Variants in MEMO1 observed in about 807,000 individuals in gnomAD.
The protein encoded by MEMO1 is protein MEMO1.
In MEMO1, 6 loss-of-function variants were observed where a neutral mutation model predicts 45.2. The ratio of observed to expected loss-of-function variants is 0.13; its 90% CI spans 0.07 to 0.26. The LOEUF (loss-of-function observed/expected upper bound fraction) is 0.26, where lower values mean the gene tolerates loss of function less well. Ranked by LOEUF, MEMO1 falls within the 10% of genes least tolerant of loss-of-function variation. The pLI is 1.00. For synonymous variants in MEMO1, 78 were observed against 124.3 expected, an observed-to-expected ratio of 0.63 and a Z score of 2.48; for missense variants, 184 against 370.5, an observed-to-expected ratio of 0.50 and a Z score of 4.13.
chr2:31,958,415 T>A (rs1297361116), intron 2 of MEMO1, among the ~76,000 whole-genome samples: 1 of 151,186 alleles, frequency 6.6e-6, no homozygotes, highest in African/African-American at 2.4e-5. Flanking sequence ...CAGGAAATCA[T>A]AACAGAAAAG....
At chr2:31,943,642 C>T (rs1400429885) in intron 2 of MEMO1, among the ~76,000 whole-genome samples, 2 of 152,106 alleles carry the variant, frequency 1.3e-5, no homozygotes, top group Admixed American at 6.6e-5. Context: ...CAGAGCAACA[C>T]AATGTGATTT....
chr2:32,009,719 T>A (rs1441666054), intron 2 of MEMO1, among the ~76,000 whole-genome samples: 2 of 151,644 alleles, frequency 1.3e-5, no homozygotes, highest in Non-Finnish European at 2.9e-5. Flanking sequence ...AAGGAAAGGG[T>A]CCCTGGCTCG....
At chr2:32,000,512 G>A (rs1057339052) in intron 2 of MEMO1, among the ~76,000 whole-genome samples, 6 of 151,968 alleles carry the variant, frequency 3.9e-5, no homozygotes, top group African/African-American at 9.7e-5. Context: ...TTACAGGCGT[G>A]AGCCACCGTG....
chr2:31,955,838 C>A (rs1667354595), intron 2 of MEMO1, among the ~76,000 whole-genome samples: 1 of 152,234 alleles, frequency 6.6e-6, no homozygotes, highest in Middle Eastern at 3.4e-3. Context: ...AAACTCCTGA[C>A]CTCAGGTGAT....
chr2:31,921,987 A>C (rs956467356), intron 4 of MEMO1, among the ~76,000 whole-genome samples: 1 of 152,154 alleles, frequency 6.6e-6, no homozygotes, highest in African/African-American at 2.4e-5. Flanking sequence ...CCTGCCCTAC[A>C]ATCTGAATTC....
intron 7 of MEMO1, among the ~76,000 whole-genome samples, chr2:31,889,795 T>G (rs1676701645): frequency 6.6e-6 from 1 of 152,080 alleles, no homozygotes; most frequent in Non-Finnish European, 1.5e-5. Flanking sequence ...TGAGTATTAT[T>G]AATGATGATG....
At chr2:31,982,027 G>A (rs769565474) in intron 2 of MEMO1, among the ~76,000 whole-genome samples, 25 of 152,312 alleles carry the variant, frequency 1.6e-4, no homozygotes, top group Middle Eastern at 3.4e-3. Context: ...GGCCGGGCGC[G>A]GTGGCTCATG....
chr2:31,948,081 G>A (rs1326793041), intron 2 of MEMO1, among the ~76,000 whole-genome samples: 3 of 152,200 alleles, frequency 2.0e-5, no homozygotes, highest in Non-Finnish European at 4.4e-5. Flanking sequence ...ATGCTTCTCA[G>A]GTGATAGCAA....
chr2:31,874,449 G>T (rs1436413574), intron 8 of MEMO1, among the ~76,000 whole-genome samples: 3 of 151,922 alleles, frequency 2.0e-5, no homozygotes, highest in Non-Finnish European at 4.4e-5. Context: ...TATTTTATGT[G>T]TTTTTTCACA....
intron 2 of MEMO1, among the ~76,000 whole-genome samples, chr2:31,982,751 G>C (rs1456434294): frequency 4.0e-5 from 6 of 151,876 alleles, no homozygotes; most frequent in Admixed American, 3.9e-4. Flanking sequence ...AGAGGTATAG[G>C]TTAACAGTTC....
Position 31,869,744 on chromosome 2 carries a change from AC to A in MEMO1, c.762+103del, listed in dbSNP as rs1673389451. The stretch of plus-strand genomic sequence containing the variant: ...ATTAAAGATACTAAAAAGAAACTTG[AC>A]CATAGGTACATAAAACCAATGATGC... On this transcript the variant is annotated intron_variant, in intron 9 of 9. Coordinates refer to ENST00000404530, the MANE Select transcript of MEMO1 (RefSeq NM_001301833.4). 4 of 1,259,416 alleles carry A rather than the reference AC, an allele frequency of 3.2e-6. No individual in the cohort carries two copies. In the South Asian group the frequency reaches 6.6e-5, roughly 21 times the overall value. The allele number at this position is 1,259,416 out of a possible 1,614,324, so 78.0% of individuals were successfully genotyped here. A position where few individuals can be genotyped will look rare whatever the true frequency, so the allele number is the denominator to read the frequency against.
chr2:31,977,563 G>C (rs1478447261), intron 2 of MEMO1, among the ~76,000 whole-genome samples: 1 of 151,612 alleles, frequency 6.6e-6, no homozygotes, highest in Non-Finnish European at 1.5e-5. Flanking sequence ...ACCCAGGCTG[G>C]AGTACAGTGG....
intron 4 of MEMO1, among the ~76,000 whole-genome samples, chr2:31,925,391 G>A (rs1458520041): frequency 6.7e-6 from 1 of 148,546 alleles, no homozygotes; most frequent in East Asian, 2.0e-4. Context: ...CAGGAGAATC[G>A]TTTGAACCCG....
At chr2:31,940,206 TCTC>T (rs1665439968) in intron 3 of MEMO1, among the ~76,000 whole-genome samples, 1 of 152,184 alleles carries the variant, frequency 6.6e-6, no homozygotes, top group African/African-American at 2.4e-5. Context: ...TTGAAACTCT[TCTC>T]CTGTTTATCT....
At chr2:31,982,133 C>T (rs981062113) in intron 2 of MEMO1, among the ~76,000 whole-genome samples, 1 of 151,752 alleles carries the variant, frequency 6.6e-6, no homozygotes, top group Admixed American at 6.6e-5. Context: ...CCCATCTCTA[C>T]TAAAAATACA....
chr2:31,870,017 T>C, intron 8 of MEMO1, 65 bp from the exon 9 acceptor site: 4 of 1,210,866 alleles, frequency 3.3e-6, no homozygotes, highest in South Asian at 2.0e-5. Context: ...TATTATTTCC[T>C]AATTATATTT....
chr2:31,915,621 G>T (rs1667428719), intron 6 of MEMO1, among the ~76,000 whole-genome samples: 1 of 150,920 alleles, frequency 6.6e-6, no homozygotes, highest in Admixed American at 6.6e-5. Flanking sequence ...AAAAAAGAAA[G>T]AAAAAAAAAG....
At position 31,989,698 on chromosome 2, in the gene MEMO1, T is replaced by G. The variant is rs1159526766; in HGVS notation, c.61+20489A>C. ...TTGATTGTGTTGACTTTCATAGATA[T>G]ATTAAATATATGTAACTTATCAACT... On this transcript the variant is annotated intron_variant, in intron 2 of 9. Coordinates refer to ENST00000404530, the MANE Select transcript of MEMO1 (RefSeq NM_001301833.4). 2.0e-5 allele frequency among the ~76,000 whole-genome samples: 3 copies of G among 152,240 alleles called. No homozygotes were observed. The East Asian group carries it at 5.8e-4, about 29-fold the overall frequency.
At chr2:31,911,958 T>TCCCG (rs2148117946) in intron 6 of MEMO1, among the ~76,000 whole-genome samples, 1 of 152,208 alleles carries the variant, frequency 6.6e-6, no homozygotes, top group East Asian at 1.9e-4. Flanking sequence ...GCTGTTAATT[T>TCCCG]TGGAAGATAC....
Sources: allele counts gnomAD v4.1 joint callset (sites outside exome capture counted in the v4.1 genomes callset), GRCh38; gene constraint gnomAD v4.1.1; transcripts MANE v1.5; gene names NCBI Gene and HGNC (gene_info 2026-07-23, HGNC 2026-07-21).